Variants in SLC44A1 observed in about 807,000 individuals in gnomAD.
SLC44A1 encodes the protein solute carrier family 44 member 1.
In SLC44A1, 26 loss-of-function variants were observed where a neutral mutation model predicts 79.3. The ratio of observed to expected loss-of-function variants is 0.33; its 90% CI spans 0.24 to 0.46. SLC44A1 has a LOEUF of 0.46. Ranked by LOEUF, SLC44A1 falls within the 20% of genes least tolerant of loss-of-function variation. The pLI, the probability that SLC44A1 is intolerant of heterozygous loss-of-function variation, is 1.00. For synonymous variants in SLC44A1, 263 were observed against 286.2 expected (o/e 0.92, Z 0.82); for missense variants, 688 against 798.1 (o/e 0.86, Z 1.66).
At chr9:105,247,739 G>C (rs1274370141) in intron 1 of SLC44A1, among the ~76,000 whole-genome samples, 1 of 152,156 alleles carries the variant, frequency 6.6e-6, no homozygotes, top group Non-Finnish European at 1.5e-5. Context: ...GTACTTAATA[G>C]TTGCTCAGCA....
chr9:105,403,812 C>T (rs1828989563), intron 15 of SLC44A1, among the ~76,000 whole-genome samples: 1 of 150,764 alleles, frequency 6.6e-6, no homozygotes, highest in African/African-American at 2.4e-5. Flanking sequence ...GATGATGTGT[C>T]TGTGAATCTG....
At chr9:105,291,222 A>T (rs1230177578) in intron 1 of SLC44A1, among the ~76,000 whole-genome samples, 1 of 152,230 alleles carries the variant, frequency 6.6e-6, no homozygotes, top group Non-Finnish European at 1.5e-5. Context: ...TGCAAATAAA[A>T]GCATATTGGG....
chr9:105,438,190 G>A (rs1442168024), intron 15 of SLC44A1: 3 of 1,025,440 alleles, frequency 2.9e-6, no homozygotes, highest in African/African-American at 1.6e-5. Flanking sequence ...CTTTAAAGAC[G>A]ATCCCACACT....
chr9:105,386,425 G>A, intron 15 of SLC44A1: 1 of 983,684 alleles, frequency 1.0e-6, no homozygotes, highest in Non-Finnish European at 1.2e-6. Flanking sequence ...GTTCAAAAGT[G>A]TGAGGTAAGG....
At chr9:105,432,199 G>A (rs967830903) in intron 15 of SLC44A1, among the ~76,000 whole-genome samples, 6 of 152,236 alleles carry the variant, frequency 3.9e-5, no homozygotes, top group Non-Finnish European at 5.9e-5. Context: ...TGGGATTACA[G>A]GGGTGAGCCA....
intron 12 of SLC44A1, among the ~76,000 whole-genome samples, chr9:105,368,803 C>T (rs944049384): frequency 1.3e-4 from 20 of 152,074 alleles, no homozygotes; most frequent in African/African-American, 3.1e-4. Flanking sequence ...TTTTGGAGGC[C>T]GAGGCAGGTG....
At chr9:105,313,737 T>G (rs2131316875) in intron 3 of SLC44A1, among the ~76,000 whole-genome samples, 1 of 152,134 alleles carries the variant, frequency 6.6e-6, no homozygotes, top group African/African-American at 2.4e-5. Context: ...ATATGTCAAT[T>G]TTAGATAAAA....
intron 1 of SLC44A1, among the ~76,000 whole-genome samples, chr9:105,282,178 A>C (rs327945): frequency 0.21 from 32,089 of 151,414 alleles, 5,962 homozygotes; most frequent in African/African-American, 0.5. Context: ...TTATAGATAC[A>C]TGTGTTTTTA....
At chr9:105,317,754 G>A (rs1208841216) in intron 3 of SLC44A1, among the ~76,000 whole-genome samples, 1 of 152,182 alleles carries the variant, frequency 6.6e-6, no homozygotes, top group Admixed American at 6.5e-5. Flanking sequence ...ACTCTATCTT[G>A]TGGAGTTGTA....
intron 1 of SLC44A1, among the ~76,000 whole-genome samples, chr9:105,280,978 C>T (rs990494576): frequency 6.6e-6 from 1 of 152,218 alleles, no homozygotes; most frequent in East Asian, 1.9e-4. Context: ...TGCTGAGAAA[C>T]CCTCTTAAGA....
intron 15 of SLC44A1, among the ~76,000 whole-genome samples, chr9:105,427,746 A>G (rs1588880875): frequency 6.6e-6 from 1 of 152,224 alleles, no homozygotes; most frequent in East Asian, 1.9e-4. Flanking sequence ...ATGTTGATAC[A>G]TATTGCCAAA....
chr9:105,284,240 T>C (rs1014745441), intron 1 of SLC44A1, among the ~76,000 whole-genome samples: 1 of 151,608 alleles, frequency 6.6e-6, no homozygotes, highest in African/African-American at 2.4e-5. Context: ...TTTTTTTTTT[T>C]TTTTTTTAAG....
At position 105,393,826 on chromosome 9, in the gene SLC44A1, A is replaced by G; in HGVS notation, c.*4770A>G. ...TTCTTCAGTTTTGATGCTCAGTTTTACAACTTAAATGATTTTCTCCAGGAC... is the reference window on the plus strand; with the variant it reads ...TTCTTCAGTTTTGATGCTCAGTTTTGCAACTTAAATGATTTTCTCCAGGAC... On this transcript the variant is annotated 3_prime_UTR_variant, in exon 16 of 16. Coordinates refer to ENST00000374720, the MANE Select transcript of SLC44A1 (RefSeq NM_080546.5). 1 of 985,004 alleles carries G rather than the reference A, an allele frequency of 1.0e-6. No individual in the cohort carries two copies. The highest frequency in any genetic ancestry group is 1.2e-6 in the Non-Finnish European group (1 of 829,528). 61.0% of individuals were successfully genotyped at this position (985,004 alleles called of 1,614,324 possible).
At chr9:105,387,060 A>AAAAAAAAAAATATATAT (rs34780893) in intron 15 of SLC44A1, among the ~76,000 whole-genome samples, 2 of 7,714 alleles carry the variant, frequency 2.6e-4, no homozygotes, top group African/African-American at 4.1e-4. Context: ...AAAAAAAAAA[A>AAAAAAAAAAATATATAT]ATATATATAT....
At chr9:105,340,019 G>A (rs762920359) in intron 4 of SLC44A1, among the ~76,000 whole-genome samples, 41 of 152,180 alleles carry the variant, frequency 2.7e-4, no homozygotes, top group Non-Finnish European at 4.7e-4. Context: ...AAGTAGAAGT[G>A]TGGTTGCCAG....
intron 15 of SLC44A1, among the ~76,000 whole-genome samples, chr9:105,406,971 A>C (rs1325149660): frequency 6.6e-6 from 1 of 152,206 alleles, no homozygotes; most frequent in African/African-American, 2.4e-5. Context: ...GGAGTTGAAA[A>C]TAACTGATAT....
At chr9:105,408,835 A>C (rs1456980698) in intron 15 of SLC44A1, among the ~76,000 whole-genome samples, 2 of 152,252 alleles carry the variant, frequency 1.3e-5, no homozygotes, top group Non-Finnish European at 2.9e-5. Flanking sequence ...TAAAGGGAGA[A>C]GGTGGAGCTA....
intron 3 of SLC44A1, among the ~76,000 whole-genome samples, chr9:105,310,485 T>C (rs898684599): frequency 6.6e-6 from 1 of 152,198 alleles, no homozygotes; most frequent in Non-Finnish European, 1.5e-5. Flanking sequence ...GCATATTTTA[T>C]GTATGATGCT....
At position 105,390,573 on chromosome 9, in the gene SLC44A1, G is replaced by A; in HGVS notation, c.*1517G>A. On this transcript the variant is annotated 3_prime_UTR_variant, in exon 16 of 16. Transcript: ENST00000374720. ...AATGCATACAAGTAATGTCACTAGG[G>A]CTTAATAAGCAGCCGTTTGCTAATG... 1 of 985,762 alleles carries A rather than the reference G, an allele frequency of 1.0e-6. No individual in the cohort carries two copies. The highest frequency in any genetic ancestry group is 1.2e-6 in the Non-Finnish European group (1 of 829,916). 61.1% of individuals were successfully genotyped at this position (985,762 alleles called of 1,614,324 possible).
Sources: gnomAD v4.1 joint callset for allele counts (sites outside exome capture counted in the v4.1 genomes callset) on GRCh38, gnomAD v4.1.1 for gene constraint, MANE v1.5 for transcripts, NCBI Gene and HGNC (gene_info 2026-07-23, HGNC 2026-07-21) for gene names.